Variants in FRMPD4 observed in about 807,000 individuals in gnomAD.
FRMPD4 encodes FERM and PDZ domain containing 4, also known as FERM and PDZ domain-containing protein 4.
A neutral mutation model predicts 94.1 loss-of-function variants in FRMPD4; 22 were observed. The ratio of observed to expected loss-of-function variants is 0.23; its 90% CI spans 0.17 to 0.33. The LOEUF (loss-of-function observed/expected upper bound fraction) is 0.33. FRMPD4 is among the 10% of genes least tolerant of loss of function. The probability of loss-of-function intolerance (pLI) is 1.00; values close to 1 mark genes in which losing one functional copy is unlikely to be tolerated. For missense variants in FRMPD4, 1,111 were observed against 1,339.9 expected, an observed-to-expected ratio of 0.83 and a Z score of 2.67; for synonymous variants, 631 against 548.6, an observed-to-expected ratio of 1.15 and a Z score of -2.10.
At chrX:12,507,969 G>A (rs912783103) in intron 2 of FRMPD4, among the ~76,000 whole-genome samples, 1 of 111,876 alleles carries the variant, frequency 8.9e-6, no homozygotes, top group African/African-American at 3.3e-5. Flanking sequence ...ATGATAGCAG[G>A]GGGCAGCCCA....
intron 8 of FRMPD4, among the ~76,000 whole-genome samples, chrX:12,690,843 G>C (rs1006303205): frequency 1.8e-5 from 2 of 111,918 alleles, no homozygotes; most frequent in Non-Finnish European, 3.8e-5. Context: ...ACCCCCATCT[G>C]TTCCCTGGGG....
chrX:11,900,509 G>A (rs2053930441), intron 3 of FRMPD4, among the ~76,000 whole-genome samples: 1 of 111,986 alleles, frequency 8.9e-6, no homozygotes, highest in African/African-American at 3.2e-5. Flanking sequence ...TTCAGCACTT[G>A]TGGCTGATTC....
intron 3 of FRMPD4, among the ~76,000 whole-genome samples, chrX:11,959,964 G>C (rs1489790001): frequency 9.0e-6 from 1 of 111,470 alleles, no homozygotes; most frequent in Non-Finnish European, 1.9e-5. Context: ...AAACAGCTCT[G>C]TTGGTGGCTC....
intron 14 of FRMPD4, 68 bp from the exon 15 acceptor site, chrX:12,716,001 T>TGGGCCCCCCCCCCCCCCC: frequency 1.7e-5 from 4 of 231,647 alleles, no homozygotes; most frequent in South Asian, 9.7e-5. Flanking sequence ...GAGACGAGCC[T>TGGGCCCCCCCCCCCCCCC]CCCACCCCCG....
chrX:12,427,895 C>CTT (rs1569272212), intron 1 of FRMPD4, among the ~76,000 whole-genome samples: 1 of 60,797 alleles, frequency 1.6e-5, no homozygotes, highest in Non-Finnish European at 3.0e-5. Flanking sequence ...TTCCTTTTTT[C>CTT]TCTTTTTTTT....
intron 1 of FRMPD4, among the ~76,000 whole-genome samples, chrX:12,184,403 C>A (rs2147676309): frequency 9.0e-6 from 1 of 111,635 alleles, no homozygotes; most frequent in Admixed American, 9.5e-5. Context: ...GGTGGCCAGT[C>A]ACACACATGC....
chrX:12,508,319 C>A (rs1279285809), intron 2 of FRMPD4, among the ~76,000 whole-genome samples: 1 of 110,022 alleles, frequency 9.1e-6, no homozygotes, highest in Admixed American at 9.7e-5. Flanking sequence ...TTCAGTTTCC[C>A]ACATTATCAA....
At chrX:12,185,857 G>T (rs1004070986) in intron 1 of FRMPD4, among the ~76,000 whole-genome samples, 4 of 111,322 alleles carry the variant, frequency 3.6e-5, no homozygotes, top group African/African-American at 1.3e-4. Context: ...ACTACTTGGG[G>T]TCATAAAATT....
At chrX:12,325,586 G>T (rs2055274446) in intron 1 of FRMPD4, among the ~76,000 whole-genome samples, 1 of 112,486 alleles carries the variant, frequency 8.9e-6, no homozygotes, top group Admixed American at 9.4e-5. Context: ...AATGAGTGTG[G>T]CTGTGTGCCA....
At chrX:12,391,283 T>C (rs184039664) in intron 1 of FRMPD4, among the ~76,000 whole-genome samples, 33 of 111,947 alleles carry the variant, frequency 2.9e-4, no homozygotes, top group Middle Eastern at 9.3e-3. Context: ...ATGCTTTTGT[T>C]GTCAAGAAAG....
chrX:12,230,348 A>G (rs770068925), intron 1 of FRMPD4, among the ~76,000 whole-genome samples: 1 of 111,526 alleles, frequency 9.0e-6, no homozygotes, highest in East Asian at 2.8e-4. Context: ...TCATGTACAT[A>G]AGTGTATAAG....
At chrX:12,645,317 A>G (rs2059537231) in intron 4 of FRMPD4, among the ~76,000 whole-genome samples, 2 of 94,189 alleles carry the variant, frequency 2.1e-5, no homozygotes, top group Non-Finnish European at 4.2e-5. Context: ...ATCTCATACT[A>G]TGCATCAGGT....
intron 9 of FRMPD4, among the ~76,000 whole-genome samples, chrX:12,695,783 C>T (rs1031221410): frequency 1.1e-4 from 12 of 110,050 alleles, no homozygotes; most frequent in Admixed American, 3.9e-4. Context: ...TTTTTTGAGA[C>T]GGAGTTTCGC....
chrX:12,529,567 A>G (rs1266133062), intron 2 of FRMPD4, among the ~76,000 whole-genome samples: 2 of 112,103 alleles, frequency 1.8e-5, no homozygotes, highest in East Asian at 5.6e-4. Context: ...ATTATCCAAC[A>G]TGTTAGTCAC....
At chrX:11,873,693 C>A (rs1388880668) in intron 2 of FRMPD4, among the ~76,000 whole-genome samples, 3 of 104,185 alleles carry the variant, frequency 2.9e-5, no homozygotes, top group Non-Finnish European at 5.9e-5. Flanking sequence ...ATCTCAATTA[C>A]AATCCAGCAG....
intron 1 of FRMPD4, among the ~76,000 whole-genome samples, chrX:12,478,740 T>C (rs1000519500): frequency 2.7e-5 from 3 of 112,600 alleles, no homozygotes; most frequent in East Asian, 2.8e-4. Context: ...ATTGGCTTAA[T>C]AGCTGGATGA....
At chrX:12,600,113 T>C (rs1331690932) in intron 2 of FRMPD4, among the ~76,000 whole-genome samples, 1 of 111,109 alleles carries the variant, frequency 9.0e-6, no homozygotes, top group Non-Finnish European at 1.9e-5. Context: ...TATTTCTTTA[T>C]TTGGTTTTAA....
chrX:12,119,053 G>T (rs2055433812), intron 3 of FRMPD4, among the ~76,000 whole-genome samples: 1 of 110,664 alleles, frequency 9.0e-6, no homozygotes, highest in Non-Finnish European at 1.9e-5. Flanking sequence ...AGAGAATTTG[G>T]CTAATTTTTG....
At chrX:12,016,545 T>C (rs1018572535) in intron 3 of FRMPD4, among the ~76,000 whole-genome samples, 1 of 112,072 alleles carries the variant, frequency 8.9e-6, no homozygotes, top group Admixed American at 9.4e-5. Flanking sequence ...GAATATTTAG[T>C]GTGCTTATTT....
Sources: allele counts gnomAD v4.1 joint callset (sites outside exome capture counted in the v4.1 genomes callset), GRCh38; gene constraint gnomAD v4.1.1; transcripts MANE v1.5; gene names NCBI Gene and HGNC (gene_info 2026-07-23, HGNC 2026-07-21).